Variants in DAGLB observed in about 807,000 individuals in gnomAD.
DAGLB encodes the protein diacylglycerol lipase-beta.
In DAGLB, 66 loss-of-function variants were observed where a neutral mutation model predicts 72.1. The ratio of observed to expected loss-of-function variants is 0.92; its 90% CI spans 0.75 to 1.12. The LOEUF is 1.12. Among genes scored for constraint, DAGLB ranks in the 50% most tolerant of loss-of-function variants. The probability of loss-of-function intolerance (pLI) is 0.00; values close to 1 mark genes in which losing one functional copy is unlikely to be tolerated. For missense variants in DAGLB, 1,065 were observed against 884.9 expected (o/e 1.20, Z -2.58); for synonymous variants, 414 against 359.5 (o/e 1.15, Z -1.71).
intron 5 of DAGLB, 122 bp from the exon 6 acceptor site, chr7:6,430,729 T>C (rs1363970312): frequency 1.3e-5 from 15 of 1,157,600 alleles, no homozygotes; most frequent in Non-Finnish European, 1.7e-5. Flanking sequence ...TGAATAGAAC[T>C]CTCAGACGCC....
At chr7:6,429,019 G>C (rs1363596702) in intron 6 of DAGLB, among the ~76,000 whole-genome samples, 3 of 151,964 alleles carry the variant, frequency 2.0e-5, no homozygotes, top group African/African-American at 7.2e-5. Context: ...GCCCAGGCTG[G>C]TCTCAAACTC....
chr7:6,436,387 CGTTTACAACT>C lies in DAGLB; in HGVS notation c.384_393del (p.Val129AlafsTer144). On this transcript the variant is annotated frameshift_variant, in exon 3 of 15. Transcript: ENST00000297056. LOFTEE classifies it high-confidence loss of function. ...CTGACCACGACGGTTGCGATGATGCCGTTTACAACTGTCCTGTCGCACTGAACACCATCTG... is the reference window on the plus strand; with the variant it reads ...CTGACCACGACGGTTGCGATGATGCCGTCCTGTCGCACTGAACACCATCTG... The C allele has an allele frequency of 6.2e-7, 1 of 1,610,604 alleles. No homozygotes were observed. Among genetic ancestry groups the C allele is most frequent in the Non-Finnish European group, 8.5e-7 (1 of 1,179,046 alleles).
intron 7 of DAGLB, 22 bp from the exon 8 acceptor site, chr7:6,424,857 A>G: frequency 6.2e-7 from 1 of 1,611,994 alleles, no homozygotes; most frequent in Middle Eastern, 1.7e-4. Context: ...AGAAACAAGC[A>G]TGGGGCCTAA....
intron 8 of DAGLB, chr7:6,422,274 G>A (rs1583287698): frequency 1.0e-5 from 3 of 296,928 alleles, no homozygotes; most frequent in East Asian, 8.8e-5. Context: ...CCTGGAGGAG[G>A]TGACGCCACA....
At chr7:6,417,673 G>A (rs1430385833) in intron 9 of DAGLB, 1 of 151,912 alleles carries the variant, frequency 6.6e-6, no homozygotes, top group African/African-American at 2.4e-5. Flanking sequence ...GAACGCATGA[G>A]GTTGAGACCA....
At chr7:6,447,722 A>C (rs1583307370) in intron 1 of DAGLB, 26 bp downstream of exon 1, 2 of 1,605,376 alleles carry the variant, frequency 1.2e-6, no homozygotes, top group Non-Finnish European at 1.7e-6. Flanking sequence ...GGTGGGCTCC[A>C]CCGCCCCCGT....
chr7:6,435,439 A>C (rs1784622971), intron 3 of DAGLB: 1 of 161,850 alleles, frequency 6.2e-6, no homozygotes, highest in Non-Finnish European at 1.4e-5. Context: ...TGAGCCGAGG[A>C]GGCGCCACTG....
intron 11 of DAGLB, among the ~76,000 whole-genome samples, chr7:6,413,246 C>T (rs931662499): frequency 2.6e-5 from 4 of 152,112 alleles, no homozygotes; most frequent in African/African-American, 7.2e-5. Context: ...AGAGACGCCC[C>T]GCAGCTAAAA....
chr7:6,440,163 C>T (rs983357432), intron 2 of DAGLB, among the ~76,000 whole-genome samples: 3 of 151,560 alleles, frequency 2.0e-5, no homozygotes, highest in African/African-American at 7.3e-5. Flanking sequence ...GAGGCTGAGG[C>T]GGCAGATCAC....
At chr7:6,415,800 A>C (rs368838186) in intron 11 of DAGLB, among the ~76,000 whole-genome samples, 2 of 151,118 alleles carry the variant, frequency 1.3e-5, no homozygotes, top group Admixed American at 6.6e-5. Context: ...AGCCGAGATC[A>C]CGCCACTGCA....
chr7:6,440,386 C>CA (rs58281609), intron 2 of DAGLB, among the ~76,000 whole-genome samples: 544 of 133,692 alleles, frequency 4.1e-3, no homozygotes, highest in Middle Eastern at 0.015. Flanking sequence ...ACTCCGTCTC[C>CA]AAAAAAAAAA....
chr7:6,442,786 C>G (rs1477141272), intron 2 of DAGLB, among the ~76,000 whole-genome samples: 1 of 152,136 alleles, frequency 6.6e-6, no homozygotes, highest in Non-Finnish European at 1.5e-5. Context: ...GGTGCAGTGG[C>G]TCACACCTGT....
intron 6 of DAGLB, among the ~76,000 whole-genome samples, chr7:6,429,086 G>A (rs1457297453): frequency 1.3e-5 from 2 of 152,118 alleles, no homozygotes; most frequent in Admixed American, 1.3e-4. Flanking sequence ...TTACAGGTCT[G>A]AGCCACCACG....
chr7:6,435,079 G>A, intron 3 of DAGLB, 59 bp from the exon 4 acceptor site: 1 of 1,585,708 alleles, frequency 6.3e-7, no homozygotes, highest in South Asian at 1.1e-5. Flanking sequence ...AGACGCAGAT[G>A]TCCGGGGTCC....
intron 13 of DAGLB, among the ~76,000 whole-genome samples, chr7:6,411,888 G>C (rs1783740937): frequency 6.6e-6 from 1 of 151,714 alleles, no homozygotes; most frequent in Admixed American, 6.6e-5. Flanking sequence ...TTTTTCTTTT[G>C]AACTTTTCAA....
intron 6 of DAGLB, among the ~76,000 whole-genome samples, chr7:6,426,702 T>C (rs1006730453): frequency 8.5e-5 from 13 of 152,170 alleles, no homozygotes; most frequent in African/African-American, 3.1e-4. Context: ...TAAAACTGAA[T>C]GCCAACAGAA....
chr7:6,436,283 A>C (rs1337477871), intron 3 of DAGLB, 79 bp downstream of exon 3: 8 of 1,506,330 alleles, frequency 5.3e-6, no homozygotes, highest in Non-Finnish European at 7.1e-6. Context: ...GGGACGCTGG[A>C]CTCTCTGTCA....
intron 9 of DAGLB, 154 bp from the exon 10 acceptor site, chr7:6,417,075 T>G (rs943781813): frequency 1.2e-6 from 1 of 822,390 alleles, no homozygotes; most frequent in African/African-American, 1.7e-5. Flanking sequence ...TGCATGGCTG[T>G]GCTCCTGGCA....
At chr7:6,447,696 C>A (rs1300295488) in intron 1 of DAGLB, 52 bp downstream of exon 1, 1 of 1,580,178 alleles carries the variant, frequency 6.3e-7, no homozygotes, top group African/African-American at 1.4e-5. Context: ...GACAGCTCGC[C>A]CCCCGCTCCC....
Sources: allele counts gnomAD v4.1 joint callset (sites outside exome capture counted in the v4.1 genomes callset), GRCh38; gene constraint gnomAD v4.1.1; transcripts MANE v1.5; gene names NCBI Gene and HGNC (gene_info 2026-07-23, HGNC 2026-07-21).